PDE3A: variants seen among roughly 807,000 people sequenced by gnomAD.
The protein encoded by PDE3A is phosphodiesterase 3A.
PDE3A carries 43 observed loss-of-function variants against 98.3 expected under a neutral mutation model. That is an observed-to-expected ratio of 0.44 (90% confidence interval 0.34 to 0.56). The LOEUF is 0.56. Among genes scored for constraint, PDE3A ranks in the 20% least tolerant of loss-of-function variants. The probability of loss-of-function intolerance (pLI) is 0.01; values close to 1 mark genes in which losing one functional copy is unlikely to be tolerated. For synonymous variants in PDE3A, 663 were observed against 567.9 expected, an observed-to-expected ratio of 1.17 and a Z score of -2.38; for missense variants, 1,427 against 1,440.7, an observed-to-expected ratio of 0.99 and a Z score of 0.15.
chr12:20,627,225 AAC>A (rs1944285717), intron 5 of PDE3A, among the ~76,000 whole-genome samples: 1 of 151,162 alleles, frequency 6.6e-6, no homozygotes, highest in Non-Finnish European at 1.5e-5. Flanking sequence ...GGAATTGCCT[AAC>A]ACAGTGTCTA....
Position 20,680,379 on chromosome 12 carries a change from T to A in PDE3A, c.*108T>A. 1 of 1,127,754 alleles carries A rather than the reference T, an allele frequency of 8.9e-7. No individual in the cohort carries two copies. Among genetic ancestry groups the A allele is most frequent in the Non-Finnish European group, 1.3e-6 (1 of 785,720 alleles). 69.9% of individuals were successfully genotyped at this position (1,127,754 alleles called of 1,614,324 possible). On this transcript the variant is annotated 3_prime_UTR_variant, in exon 16 of 16. Coordinates refer to ENST00000359062, the MANE Select transcript of PDE3A (RefSeq NM_000921.5). ...ACTGTAGAAATTTGAGATGGGCAAA[T>A]GGCTATTGCATTTTGGGATTCTTCG...
chr12:20,471,960 A>G (rs1945446704), intron 1 of PDE3A, among the ~76,000 whole-genome samples: 1 of 152,146 alleles, frequency 6.6e-6, no homozygotes, highest in South Asian at 2.1e-4. Flanking sequence ...CAGAAAGAAC[A>G]TTGATTGTAA....
At chr12:20,607,624 GA>G (rs1236767515) in intron 2 of PDE3A, among the ~76,000 whole-genome samples, 2 of 151,886 alleles carry the variant, frequency 1.3e-5, no homozygotes, top group African/African-American at 4.8e-5. Context: ...AGTGTCTAGG[GA>G]AATACACTTG....
chr12:20,408,025 G>A (rs1033302373), intron 1 of PDE3A, among the ~76,000 whole-genome samples: 3 of 152,056 alleles, frequency 2.0e-5, no homozygotes, highest in East Asian at 3.9e-4. Flanking sequence ...CTGGGTTGAA[G>A]CAATTCTGCC....
In PDE3A at chr12:20,451,446, G is replaced by C. The variant is rs539364509; in HGVS notation, c.960+81202G>C. Among the ~76,000 whole-genome samples, 6 of 152,050 alleles carry C rather than the reference G, an allele frequency of 3.9e-5. No individual in the cohort carries two copies. The East Asian group carries it at 1.2e-3, about 30-fold the overall frequency. ...GTGCCACCACACCCAGCTAATGTTT[G>C]TATCTTTAGTAGAGACAGGGTTTTG... On this transcript the variant is annotated intron_variant, in intron 1 of 15. Coordinates refer to ENST00000359062, the MANE Select transcript of PDE3A (RefSeq NM_000921.5).
In PDE3A at chr12:20,621,325, T is replaced by A. The variant is rs1249282641; in HGVS notation, c.1454T>A (p.Met485Lys). 1 of 1,605,898 alleles carries A rather than the reference T, an allele frequency of 6.2e-7. No individual in the cohort carries two copies. The highest frequency in any genetic ancestry group is 8.5e-7 in the Non-Finnish European group (1 of 1,172,828). The change falls in exon 5 of 16, where the codon ATG (methionine) becomes AAG (lysine). Residue 485 changes from methionine to lysine, a missense_variant. Met to Lys is a moderately conservative substitution (Grantham distance 95). Coordinates refer to ENST00000359062, the MANE Select transcript of PDE3A (RefSeq NM_000921.5). ...SPDSWNNPVM[M>K]TLTKSRSFTS... Reference sequence around the variant, plus strand: ...GATTCTTGGAATAATCCAGTGATGATGACCCTCACCAAAAGCAGATCCTTT... The same window carrying A: ...GATTCTTGGAATAATCCAGTGATGAAGACCCTCACCAAAAGCAGATCCTTT...
intron 15 of PDE3A, among the ~76,000 whole-genome samples, chr12:20,661,029 C>T (rs186473007): frequency 6.6e-6 from 1 of 152,234 alleles, no homozygotes; most frequent in East Asian, 1.9e-4. Context: ...TGTTGAATGG[C>T]TTTGACAAAA....
At position 20,369,201 on chromosome 12, in the gene PDE3A, G is replaced by T; in HGVS notation, c.-84G>T. On this transcript the variant is annotated 5_prime_UTR_variant, in exon 1 of 16. Coordinates refer to ENST00000359062, the MANE Select transcript of PDE3A (RefSeq NM_000921.5). ...GAAGAGCGTGCGTGCGTGTGTGTGT[G>T]TGTGTGTGTGCGCGCGCGCGCGTGG... 1.2e-6 allele frequency: 1 copy of T among 859,634 alleles called. No individual in the cohort carries two copies. 53.3% of individuals were successfully genotyped at this position (859,634 alleles called of 1,614,324 possible). A position where few individuals can be genotyped will look rare whatever the true frequency, so the allele number is the denominator to read the frequency against.
At position 20,474,362 on chromosome 12, in the gene PDE3A, C is replaced by T. The variant is rs752637885; in HGVS notation, c.961-82298C>T. 3.3e-5 allele frequency among the ~76,000 whole-genome samples: 5 copies of T among 152,014 alleles called. 1 individual carries two copies. Among genetic ancestry groups the T allele is most frequent in the South Asian group, 4.1e-4 (2 of 4,828 alleles). On this transcript the variant is annotated intron_variant, in intron 1 of 15. Transcript: ENST00000359062. ...TCTAGATATATTGTGAGTGTTTTCT[C>T]GTAGGATTTTTCTCAAATTTTCACT...
intron 1 of PDE3A, among the ~76,000 whole-genome samples, chr12:20,526,721 AT>A (rs11353817): frequency 0.02 from 2,978 of 147,248 alleles, 82 homozygotes; most frequent in East Asian, 0.062. Context: ...TCTTAAACTG[AT>A]TTTTTTTTTT....
chr12:20,406,505 G>T (rs796440999), intron 1 of PDE3A, among the ~76,000 whole-genome samples: 3 of 152,196 alleles, frequency 2.0e-5, no homozygotes, highest in African/African-American at 7.2e-5. Context: ...TCATGTACTT[G>T]TTGGCCATTT....
chr12:20,390,457 G>GAAAA (rs34930599), intron 1 of PDE3A, among the ~76,000 whole-genome samples: 4 of 127,546 alleles, frequency 3.1e-5, no homozygotes, highest in Non-Finnish European at 3.3e-5. Flanking sequence ...GGTGATTTAA[G>GAAAA]AAAAAAAAAA....
rs577394479 is a variant in PDE3A, at chr12:20,664,314, G to C, written c.3184+10109G>C. ...TCTTAGCTGAACTTCTGAACTCTTG[G>C]CTCAAGTCTAAAATCGTCACTTAGA... On this transcript the variant is annotated intron_variant, in intron 15 of 15. Coordinates refer to ENST00000359062, the MANE Select transcript of PDE3A (RefSeq NM_000921.5). Among the ~76,000 whole-genome samples, 5 of 152,200 alleles carry C rather than the reference G, an allele frequency of 3.3e-5. No homozygotes were observed. In the East Asian group the frequency reaches 9.6e-4, roughly 29 times the overall value.
At chr12:20,556,629 A>C (rs762472091) in intron 1 of PDE3A, 31 bp from the exon 2 acceptor site, 2 of 1,426,968 alleles carry the variant, frequency 1.4e-6, no homozygotes, top group Non-Finnish European at 2.0e-6. Flanking sequence ...TAAAATAATC[A>C]TTTAACTTAT....
At chr12:20,414,704 G>GAC (rs1944392245) in intron 1 of PDE3A, among the ~76,000 whole-genome samples, 1 of 152,124 alleles carries the variant, frequency 6.6e-6, no homozygotes, top group African/African-American at 2.4e-5. Context: ...GGGTTTCTGA[G>GAC]ATGATCAATT....
chr12:20,663,995 T>C (rs1219857869), intron 15 of PDE3A, among the ~76,000 whole-genome samples: 5 of 151,656 alleles, frequency 3.3e-5, no homozygotes, highest in African/African-American at 7.3e-5. Context: ...ATCATGGGGG[T>C]GGTTATTGTC....
intron 1 of PDE3A, among the ~76,000 whole-genome samples, chr12:20,389,903 A>C (rs1458494225): frequency 6.6e-6 from 1 of 151,988 alleles, no homozygotes; most frequent in Non-Finnish European, 1.5e-5. Context: ...GGCTGACTAT[A>C]ATCAATTTCA....
chr12:20,443,535 T>G (rs1024573499), intron 1 of PDE3A, among the ~76,000 whole-genome samples: 1 of 152,186 alleles, frequency 6.6e-6, no homozygotes, highest in Admixed American at 6.5e-5. Context: ...TTCAAAAAAT[T>G]TGACTAGTCA....
At chr12:20,386,045 T>TATATAA (rs1943763234) in intron 1 of PDE3A, among the ~76,000 whole-genome samples, 2 of 36,762 alleles carry the variant, frequency 5.4e-5, no homozygotes, top group Admixed American at 8.1e-4. Flanking sequence ...ATATAAAATA[T>TATATAA]ATATAAATAT....
Sources: gnomAD v4.1 joint callset for allele counts (sites outside exome capture counted in the v4.1 genomes callset) on GRCh38, gnomAD v4.1.1 for gene constraint, MANE v1.5 for transcripts, NCBI Gene and HGNC (gene_info 2026-07-23, HGNC 2026-07-21) for gene names.